Variants in GBP6 observed in about 807,000 individuals in gnomAD.
GBP6 encodes the protein guanylate-binding protein 6.
A neutral mutation model predicts 61.5 loss-of-function variants in GBP6; 54 were observed. The ratio of observed to expected loss-of-function variants is 0.88; its 90% CI spans 0.71 to 1.10. GBP6 has a LOEUF of 1.10. GBP6 is among the 50% of genes least tolerant of loss of function. The pLI, the probability that GBP6 is intolerant of heterozygous loss-of-function variation, is 0.00. For synonymous variants in GBP6, 255 were observed against 273.7 expected, an observed-to-expected ratio of 0.93 and a Z score of 0.67; for missense variants, 748 against 752.8, an observed-to-expected ratio of 0.99 and a Z score of 0.07.
At position 89,369,587 on chromosome 1, in the gene GBP6, A is replaced by T. The variant is rs748708580; in HGVS notation, c.232A>T (p.Ile78Phe). The T allele has an allele frequency of 8.7e-6, 14 of 1,614,038 alleles. No homozygotes were observed. The Admixed American group carries it at 2.3e-4, about 27-fold the overall frequency. ...GSTVQSETKG[I>F]WMWCVPHPSK... Reference sequence around the variant, plus strand: ...CACGGTGCAGTCTGAAACCAAGGGCATCTGGATGTGGTGCGTGCCCCACCC... The same window carrying T: ...CACGGTGCAGTCTGAAACCAAGGGCTTCTGGATGTGGTGCGTGCCCCACCC... The change falls in exon 3 of 11, where the codon ATC becomes TTC. Residue 78 changes from isoleucine to phenylalanine, a missense_variant. Transcript: ENST00000370456.
At chr1:89,377,576 T>C (rs1465502340) in intron 3 of GBP6, among the ~76,000 whole-genome samples, 1 of 152,316 alleles carries the variant, frequency 6.6e-6, no homozygotes, top group East Asian at 1.9e-4. Context: ...CCATTTTTAT[T>C]GAATTCATCA....
At chr1:89,383,342 A>G (rs975811987) in intron 8 of GBP6, among the ~76,000 whole-genome samples, 5 of 152,204 alleles carry the variant, frequency 3.3e-5, no homozygotes, top group African/African-American at 1.2e-4. Flanking sequence ...AGCATTGCAC[A>G]CTGGAAGACA....
rs1325777395 is a variant in GBP6, at chr1:89,384,127, A to G, written c.1503A>G (p.Glu501=). The G allele has an allele frequency of 6.2e-7, 1 of 1,613,800 alleles. No individual in the cohort carries two copies. The highest frequency in any genetic ancestry group is 8.5e-7 in the Non-Finnish European group (1 of 1,179,874). The change falls in exon 10 of 11, where the codon GAA becomes GAG. Residue 501 remains glutamate, a synonymous_variant. Coordinates refer to ENST00000370456, the MANE Select transcript of GBP6 (RefSeq NM_198460.3). ...DRAKKEAAEK[E]QELLKQKLQE... is the part of the protein sequence containing the mutation. ...CCAAGAAGGAGGCAGCTGAGAAGGA[A>G]CAGGAACTTTTAAAACAGAAATTAC... is the stretch of plus-strand genomic sequence containing the variant.
intron 3 of GBP6, among the ~76,000 whole-genome samples, chr1:89,370,511 A>C (rs1652598617): frequency 6.6e-6 from 1 of 152,178 alleles, no homozygotes; most frequent in Non-Finnish European, 1.5e-5. Context: ...TTATAAGATG[A>C]ATTTTTGATA....
chr1:89,367,846 G>A (rs540826209), intron 1 of GBP6, among the ~76,000 whole-genome samples: 1 of 152,256 alleles, frequency 6.6e-6, no homozygotes, highest in Admixed American at 6.5e-5. Flanking sequence ...GAGAGAACTG[G>A]GAAGTGAAAA....
chr1:89,381,844 G>T lies in GBP6; in HGVS notation c.1022G>T (p.Arg341Leu). 6.2e-7 allele frequency: 1 copy of T among 1,614,092 alleles called. No individual in the cohort carries two copies. Among genetic ancestry groups the T allele is most frequent in the Non-Finnish European group, 8.5e-7 (1 of 1,179,992 alleles). Residue 341 changes from arginine (R) to leucine (L), a missense_variant, in exon 7 of 11, where the codon CGA becomes CTA. Physicochemically the swap from Arg to Leu is moderately radical, Grantham distance 102. Transcript: ENST00000370456. ...TACTACAGCCAGCAGATGGCCCAGC[G>T]AGTGAAGCTCCCCACAGACACGCTC... ...ADYYSQQMAQ[R>L]VKLPTDTLQE...
In GBP6 at chr1:89,386,444, T is replaced by C. The variant is rs561512627; in HGVS notation, c.*975T>C. The C allele has an allele frequency of 2.6e-5, 4 of 152,190 alleles. No individual in the cohort carries two copies. Among genetic ancestry groups the C allele is most frequent in the African/African-American group, 9.6e-5 (4 of 41,546 alleles). The allele number at this position is 152,190 out of a possible 1,614,324, so 9.4% of individuals were successfully genotyped here. On this transcript the variant is annotated 3_prime_UTR_variant, in exon 11 of 11. Transcript: ENST00000370456. ...GCTAATAATGATAACAATAAAAAAA[T>C]AGTGAAATTGGCTATCAGATGATGA...
In GBP6 at chr1:89,385,393, C is replaced by A; in HGVS notation, c.1826C>A (p.Ser609Tyr). ...NLADELTAILSAPAKLIGHGV... is the reference protein window; with the variant it reads ...NLADELTAILYAPAKLIGHGV... ...GCCGATGAGCTAACTGCAATATTGT[C>A]TGCTCCTGCTAAATTAATTGGTCAT... The change falls in exon 11 of 11, where the codon TCT becomes TAT. Residue 609 changes from serine (S) to tyrosine (Y), a missense_variant. Ser to Tyr is a moderately radical substitution (Grantham distance 144, BLOSUM62 -2). Transcript: ENST00000370456. 6.2e-7 allele frequency: 1 copy of A among 1,614,144 alleles called. No individual in the cohort carries two copies. Among genetic ancestry groups the A allele is most frequent in the Non-Finnish European group, 8.5e-7 (1 of 1,179,998 alleles).
chr1:89,374,188 G>T (rs528305764), intron 3 of GBP6, among the ~76,000 whole-genome samples: 1 of 152,028 alleles, frequency 6.6e-6, no homozygotes, highest in Non-Finnish European at 1.5e-5. Context: ...TGTGTAAATT[G>T]TCCAGTCTCG....
chr1:89,370,781 T>G (rs1652608094), intron 3 of GBP6, among the ~76,000 whole-genome samples: 1 of 152,244 alleles, frequency 6.6e-6, no homozygotes, highest in African/African-American at 2.4e-5. Flanking sequence ...AATATAGCTG[T>G]TACCTCACAT....
intron 2 of GBP6, among the ~76,000 whole-genome samples, chr1:89,369,017 G>T (rs1321046765): frequency 3.3e-5 from 5 of 152,042 alleles, no homozygotes; most frequent in African/African-American, 1.2e-4. Context: ...TGTCTCCTTT[G>T]TCTTATAACA....
Position 89,378,118 on chromosome 1 carries a change from G to T in GBP6, c.334G>T (p.Asp112Tyr), listed in dbSNP as rs1652856347. The T allele has an allele frequency of 6.2e-7, 1 of 1,612,596 alleles. No individual in the cohort carries two copies. Among genetic ancestry groups the T allele is most frequent in the Admixed American group, 1.7e-5 (1 of 59,594 alleles). The change falls in exon 4 of 11, where the codon GAC becomes TAC. Residue 112 changes from aspartate to tyrosine, a missense_variant. Transcript: ENST00000370456. Reference protein sequence around the residue: ...GDVEKGDPKNDSWIFALAVLL... With the variant: ...GDVEKGDPKNYSWIFALAVLL... ...TGCTTTTTAGGGTGACCCTAAGAAT[G>T]ACTCCTGGATCTTTGCCCTGGCTGT...
Position 89,378,018 on chromosome 1 carries a change from A to G in GBP6, c.319-85A>G, listed in dbSNP as rs1001160936. On this transcript the variant is annotated intron_variant, in intron 3 of 10. Coordinates refer to ENST00000370456, the MANE Select transcript of GBP6 (RefSeq NM_198460.3). ...TACAGCAAGTACATTAGCTGAAATC[A>G]TAAGTGAAAGACTGACAAAATAAAT... The G allele has an allele frequency of 2.7e-5, 33 of 1,244,984 alleles. No individual in the cohort carries two copies. The East Asian group carries it at 5.2e-4, about 20-fold the overall frequency. The allele number at this position is 1,244,984 out of a possible 1,614,324, so 77.1% of individuals were successfully genotyped here.
Position 89,382,793 on chromosome 1 carries a change from G to T in GBP6, c.1282G>T (p.Val428Phe), listed in dbSNP as rs113532469. The change falls in exon 8 of 11, where the codon GTT becomes TTT. Residue 428 changes from valine to phenylalanine, a missense_variant. Coordinates refer to ENST00000370456, the MANE Select transcript of GBP6 (RefSeq NM_198460.3). ...MESISAGSFS[V>F]PGGHKLYMET... Reference sequence around the variant, plus strand: ...AAGTATCTCAGCAGGAAGTTTCTCTGTTCCTGGAGGGCACAAGCTCTACAT... The same window carrying T: ...AAGTATCTCAGCAGGAAGTTTCTCTTTTCCTGGAGGGCACAAGCTCTACAT... 1,622 of 1,614,078 alleles carry T rather than the reference G, an allele frequency of 1.0e-3. 21 individuals carry two copies. The African/African-American group carries it at 0.019, about 19-fold the overall frequency.
At chr1:89,376,012 A>C (rs1652799171) in intron 3 of GBP6, among the ~76,000 whole-genome samples, 1 of 151,726 alleles carries the variant, frequency 6.6e-6, no homozygotes, top group South Asian at 2.1e-4. Flanking sequence ...TATGAGTTCA[A>C]CTCTTTTAGA....
chr1:89,376,102 C>A (rs1652802002), intron 3 of GBP6, among the ~76,000 whole-genome samples: 1 of 152,150 alleles, frequency 6.6e-6, no homozygotes, highest in Non-Finnish European at 1.5e-5. Flanking sequence ...CCTCTAGATT[C>A]CTCCAGGTTG....
At position 89,378,140 on chromosome 1, in the gene GBP6, C is replaced by A. The variant is rs865850756; in HGVS notation, c.356C>A (p.Ala119Asp). ...PKNDSWIFAL[A>D]VLLCSTFVYN... ...AATGACTCCTGGATCTTTGCCCTGGCTGTGCTCCTGTGCAGCACCTTTGTC... is the reference window on the plus strand; with the variant it reads ...AATGACTCCTGGATCTTTGCCCTGGATGTGCTCCTGTGCAGCACCTTTGTC... Residue 119 changes from alanine to aspartate, a missense_variant, in exon 4 of 11, where the codon GCT becomes GAT. Transcript: ENST00000370456. The A allele has an allele frequency of 1.2e-5, 20 of 1,612,956 alleles. No individual in the cohort carries two copies. The East Asian group carries it at 4.5e-4, about 36-fold the overall frequency.
At chr1:89,376,733 A>G (rs1255826049) in intron 3 of GBP6, among the ~76,000 whole-genome samples, 3 of 152,092 alleles carry the variant, frequency 2.0e-5, no homozygotes, top group Non-Finnish European at 4.4e-5. Context: ...GGATTTTTTT[A>G]TATTTATTTA....
At chr1:89,383,826 A>T in intron 9 of GBP6, 72 bp downstream of exon 9, 1 of 1,171,456 alleles carries the variant, frequency 8.5e-7, no homozygotes, top group Non-Finnish European at 1.2e-6. Flanking sequence ...CTAACAGGAA[A>T]ACCTTCCCAA....
Sources: allele counts gnomAD v4.1 joint callset (sites outside exome capture counted in the v4.1 genomes callset), GRCh38; gene constraint gnomAD v4.1.1; transcripts MANE v1.5; gene names NCBI Gene and HGNC (gene_info 2026-07-23, HGNC 2026-07-21).